The following TNKS variants were observed in gnomAD, a reference collection of about 807,000 sequenced individuals.
TNKS encodes the protein tankyrase.
In TNKS, 72 loss-of-function variants were observed where a neutral mutation model predicts 135.8. The observed-to-expected ratio is 0.53, with a 90% CI of 0.44 to 0.64. The LOEUF is 0.64. TNKS is among the 30% of genes least tolerant of loss of function. The pLI, the probability that TNKS is intolerant of heterozygous loss-of-function variation, is 0.00. For missense variants in TNKS, 1,769 were observed against 1,674.0 expected (o/e 1.06, Z -0.99); for synonymous variants, 849 against 649.3 (o/e 1.31, Z -4.68).
intron 20 of TNKS, among the ~76,000 whole-genome samples, chr8:9,759,128 G>A (rs1007773834): frequency 6.6e-6 from 1 of 152,112 alleles, no homozygotes; most frequent in East Asian, 1.9e-4. Context: ...TGCTGTATTT[G>A]CTTGGTTAGA....
At chr8:9,623,775 G>T (rs1799954231) in intron 3 of TNKS, among the ~76,000 whole-genome samples, 2 of 152,114 alleles carry the variant, frequency 1.3e-5, no homozygotes, top group South Asian at 4.1e-4. Context: ...GCCAAGGCAG[G>T]CAGATCACTT....
At chr8:9,734,714 A>T (rs181142024) in intron 15 of TNKS, 151 bp from the exon 16 acceptor site, 11 of 630,766 alleles carry the variant, frequency 1.7e-5, no homozygotes, top group African/African-American at 1.7e-4. Context: ...TTATATTACT[A>T]AGTAGGAATT....
intron 4 of TNKS, 58 bp downstream of exon 4, chr8:9,680,045 G>C: frequency 7.9e-7 from 1 of 1,260,100 alleles, no homozygotes; most frequent in Non-Finnish European, 1.2e-6. Flanking sequence ...GAAGGAGGAG[G>C]GCAGGTGGAG....
intron 2 of TNKS, among the ~76,000 whole-genome samples, chr8:9,582,290 G>A (rs757101264): frequency 6.6e-6 from 1 of 151,376 alleles, no homozygotes; most frequent in Non-Finnish European, 1.5e-5. Context: ...GGGATAGCTG[G>A]ATAAAAAAAG....
At chr8:9,567,908 A>G (rs1797609196) in intron 1 of TNKS, among the ~76,000 whole-genome samples, 1 of 152,182 alleles carries the variant, frequency 6.6e-6, no homozygotes, top group African/African-American at 2.4e-5. Flanking sequence ...TATGATGGCA[A>G]ATTTTATATT....
chr8:9,731,819 G>C (rs1405872401), intron 14 of TNKS, among the ~76,000 whole-genome samples: 1 of 152,018 alleles, frequency 6.6e-6, no homozygotes, highest in Non-Finnish European at 1.5e-5. Flanking sequence ...ACAGAGTCTC[G>C]CTCTGTCGCC....
At chr8:9,639,691 C>T (rs1800651390) in intron 3 of TNKS, among the ~76,000 whole-genome samples, 1 of 152,078 alleles carries the variant, frequency 6.6e-6, no homozygotes, top group South Asian at 2.1e-4. Context: ...ACTACTGAGG[C>T]TATTCCTCAG....
intron 1 of TNKS, chr8:9,557,701 T>C (rs1041365203): frequency 9.2e-5 from 14 of 151,732 alleles, no homozygotes; most frequent in Admixed American, 6.6e-5. Flanking sequence ...TTCTCCTATA[T>C]TTCTAATATA....
At chr8:9,764,968 A>G (rs1278870633) in intron 23 of TNKS, among the ~76,000 whole-genome samples, 178 bp downstream of exon 23, 4 of 152,240 alleles carry the variant, frequency 2.6e-5, no homozygotes, top group African/African-American at 9.6e-5. Context: ...CCAAGACAAT[A>G]CGTCACTAAA....
chr8:9,755,846 G>A (rs114363081), intron 20 of TNKS, among the ~76,000 whole-genome samples: 40 of 152,118 alleles, frequency 2.6e-4, no homozygotes, highest in African/African-American at 8.2e-4. Flanking sequence ...GAAAACCTTC[G>A]GCACATCATA....
Position 9,704,742 on chromosome 8 carries a change from A to C in TNKS, c.1187A>C (p.His396Pro). 3.7e-6 allele frequency: 6 copies of C among 1,613,036 alleles called. No individual in the cohort carries two copies. Among genetic ancestry groups the C allele is most frequent in the Non-Finnish European group, 5.1e-6 (6 of 1,179,210 alleles). ...QLLLQHGADV[H>P]AKDKGGLVPL... ...CTTCTTCAGCATGGTGCTGATGTTC[A>C]TGCAAAAGACAAAGGGTAGGTCTAT... Residue 396 changes from histidine to proline, a missense_variant, in exon 6 of 27, where the codon CAT becomes CCT. By Grantham distance (77) the His-to-Pro change is moderately conservative. Around this residue, in one of 5 missense-constraint regions of TNKS, gnomAD observed 523 missense variants for 541.0 expected, o/e 0.97. Coordinates refer to ENST00000310430, the MANE Select transcript of TNKS (RefSeq NM_003747.3).
At position 9,654,971 on chromosome 8, in the gene TNKS, A is replaced by G. The variant is rs1279005750; in HGVS notation, c.995-24980A>G. 4.6e-5 allele frequency among the ~76,000 whole-genome samples: 7 copies of G among 152,330 alleles called. No homozygotes were observed. In the East Asian group the frequency reaches 1.4e-3, roughly 29 times the overall value. ...GGCATCGCCTCACCTGGGAAGCGCAAGGGGTCAGGGAATTCCCTTTCCTAG... is the reference window on the plus strand; with the variant it reads ...GGCATCGCCTCACCTGGGAAGCGCAGGGGGTCAGGGAATTCCCTTTCCTAG... On this transcript the variant is annotated intron_variant, in intron 3 of 26. Transcript: ENST00000310430.
intron 3 of TNKS, among the ~76,000 whole-genome samples, chr8:9,635,049 AGGCGCGGCCACTCG>A: frequency 6.6e-6 from 1 of 152,254 alleles, no homozygotes. Context: ...AGGCGCCTGT[AGGCGCGGCCACTCG>A]GGAGGCTGAG....
chr8:9,769,153 G>A (rs1212951327), intron 25 of TNKS, among the ~76,000 whole-genome samples: 1 of 152,162 alleles, frequency 6.6e-6, no homozygotes, highest in Non-Finnish European at 1.5e-5. Context: ...ACTCAATTCT[G>A]CCCTTGTAGC....
chr8:9,756,467 A>G (rs1563213553), intron 20 of TNKS, among the ~76,000 whole-genome samples: 1 of 151,942 alleles, frequency 6.6e-6, no homozygotes, highest in African/African-American at 2.4e-5. Flanking sequence ...TGTATACTAG[A>G]TAGAAATAAC....
chr8:9,666,518 G>A (rs1308097297), intron 3 of TNKS, among the ~76,000 whole-genome samples: 2 of 151,978 alleles, frequency 1.3e-5, no homozygotes, highest in Admixed American at 6.6e-5. Context: ...CCAGGAGTTC[G>A]AGACCAGCCT....
At chr8:9,646,216 T>C (rs1800914550) in intron 3 of TNKS, among the ~76,000 whole-genome samples, 2 of 152,168 alleles carry the variant, frequency 1.3e-5, no homozygotes, top group Admixed American at 6.5e-5. Flanking sequence ...TTTTATAGTA[T>C]TTTAAAAAGA....
chr8:9,679,848 C>G, intron 3 of TNKS, 103 bp from the exon 4 acceptor site: 1 of 998,956 alleles, frequency 1.0e-6, no homozygotes, highest in South Asian at 1.4e-5. Flanking sequence ...TGTGGACTCT[C>G]TTTTTCTGTT....
chr8:9,556,442 G>C lies in TNKS; in HGVS notation c.503G>C (p.Gly168Ala), dbSNP rs1294958734. ...GVSSTAPLGPGAAGPGTGVPA... is the reference protein window; with the variant it reads ...GVSSTAPLGPAAAGPGTGVPA... The stretch of plus-strand genomic sequence containing the variant: ...AGCAGCACAGCACCACTGGGGCCTG[G>C]GGCAGCAGGACCTGGGACAGGGGTC... The change falls in exon 1 of 27, where the codon GGG becomes GCG. Residue 168 changes from glycine (G) to alanine (A), a missense_variant. Transcript: ENST00000310430. The C allele has an allele frequency of 4.3e-6, 7 of 1,614,018 alleles. No individual in the cohort carries two copies. Among genetic ancestry groups the C allele is most frequent in the African/African-American group, 2.7e-5 (2 of 74,932 alleles).
Sources: gnomAD v4.1 joint callset for allele counts (sites outside exome capture counted in the v4.1 genomes callset) on GRCh38, gnomAD v4.1.1 for gene constraint, gnomAD v4.1.1 regional missense constraint, MANE v1.5 for transcripts, NCBI Gene and HGNC (gene_info 2026-07-23, HGNC 2026-07-21) for gene names.